FAH: variants seen among roughly 807,000 people sequenced by gnomAD.
FAH encodes the protein fumarylacetoacetate hydrolase, also known as fumarylacetoacetase.
FAH carries 47 observed loss-of-function variants against 55.8 expected under a neutral mutation model. That is an observed-to-expected ratio of 0.84 (90% CI 0.67 to 1.07). The LOEUF is 1.07. Among genes scored for constraint, FAH ranks in the 50% least tolerant of loss-of-function variants. The probability of loss-of-function intolerance (pLI) is 0.00; values close to 1 mark genes in which losing one functional copy is unlikely to be tolerated. For missense variants in FAH, 495 were observed against 545.9 expected (o/e 0.91, Z 0.93); for synonymous variants, 199 against 207.7 (o/e 0.96, Z 0.36).
At chr15:80,184,655 A>C (rs953409652) in intron 13 of FAH, among the ~76,000 whole-genome samples, 3 of 152,126 alleles carry the variant, frequency 2.0e-5, no homozygotes, top group Non-Finnish European at 4.4e-5. Flanking sequence ...GAAAATGAGC[A>C]ACAGAATAGG....
upstream of FAH, chr15:80,152,833 G>C: frequency 1.9e-6 from 1 of 531,004 alleles, no homozygotes; most frequent in Non-Finnish European, 3.4e-6. Flanking sequence ...GGAGCTGGCG[G>C]GGGTCAGGGT....
intron 7 of FAH, 32 bp downstream of exon 7, chr15:80,168,348 A>T: frequency 6.2e-7 from 1 of 1,607,784 alleles, no homozygotes; most frequent in Non-Finnish European, 8.5e-7. Flanking sequence ...TTGCCATGGG[A>T]TCTATAGACA....
rs71397597 is a variant in FAH at position 80,181,320 on chromosome 15, A to G, written c.1180+161A>G. Among the ~76,000 whole-genome samples, 8,548 of 152,186 alleles carry G rather than the reference A, an allele frequency of 0.056. 302 individuals are homozygous for G. The highest frequency in any genetic ancestry group is 0.089 in the South Asian group (429 of 4,818). ...GCTTGTTCTGTCCTTCCCCACAGCT[A>G]TGGCTACCCGGGACTTCAAGTGTGA... On this transcript the variant is annotated intron_variant, in intron 13 of 13. Coordinates refer to ENST00000561421, the MANE Select transcript of FAH (RefSeq NM_000137.4).
At chr15:80,172,930 G>C (rs1240796614) in intron 8 of FAH, 84 bp from the exon 9 acceptor site, 2 of 1,585,260 alleles carry the variant, frequency 1.3e-6, no homozygotes, top group African/African-American at 2.7e-5. Flanking sequence ...AGGTGTCTCT[G>C]CTCCTTGGTC....
intron 9 of FAH, among the ~76,000 whole-genome samples, chr15:80,173,921 C>T (rs543487635): frequency 1.8e-4 from 27 of 152,314 alleles, no homozygotes; most frequent in Non-Finnish European, 3.7e-4. Context: ...CATCTCACCA[C>T]GCATTTGCTG....
At position 80,172,258 on chromosome 15, in the gene FAH, G is replaced by A; in HGVS notation, c.706+10G>A. ...ATGAACGACTGGAGTGGTAATTACT[G>A]GAGCTCTGCTCCTGTAGAGATGACG... On this transcript the variant is annotated intron_variant, in intron 8 of 13. Coordinates refer to ENST00000561421, the MANE Select transcript of FAH (RefSeq NM_000137.4). 6.3e-7 allele frequency: 1 copy of A among 1,587,294 alleles called. No individual in the cohort carries two copies. The highest frequency in any genetic ancestry group is 8.7e-7 in the Non-Finnish European group (1 of 1,155,602).
intron 10 of FAH, among the ~76,000 whole-genome samples, chr15:80,176,629 G>T (rs116120594): frequency 0.017 from 2,615 of 152,306 alleles, 70 homozygotes; most frequent in African/African-American, 0.059. Context: ...GCAGGGCTGG[G>T]ACTCAATCCA....
intron 13 of FAH, among the ~76,000 whole-genome samples, chr15:80,185,354 G>A (rs2041361639): frequency 6.6e-6 from 1 of 152,136 alleles, no homozygotes; most frequent in African/African-American, 2.4e-5. Context: ...AAGATCCATT[G>A]CACAGATGAA....
At chr15:80,181,199 C>T (rs2041328627) in intron 13 of FAH, 40 bp downstream of exon 13, 1 of 1,413,900 alleles carries the variant, frequency 7.1e-7, no homozygotes, top group Non-Finnish European at 1.0e-6. Flanking sequence ...TTCCTCCTTG[C>T]CCGCCATGCA....
chr15:80,169,176 A>G (rs1275928822), intron 7 of FAH, among the ~76,000 whole-genome samples: 5 of 152,152 alleles, frequency 3.3e-5, no homozygotes, highest in Non-Finnish European at 7.3e-5. Flanking sequence ...TGAGGTCAGG[A>G]GTTCAATACC....
At chr15:80,155,719 G>A (rs901758949) in intron 1 of FAH, among the ~76,000 whole-genome samples, 2 of 152,106 alleles carry the variant, frequency 1.3e-5, no homozygotes, top group African/African-American at 4.8e-5. Context: ...ACAAGACAAG[G>A]GGGGCAGGGT....
At chr15:80,182,893 G>A (rs2041342431) in intron 13 of FAH, among the ~76,000 whole-genome samples, 1 of 152,246 alleles carries the variant, frequency 6.6e-6, no homozygotes, top group South Asian at 2.1e-4. Flanking sequence ...AGGAAGGAAA[G>A]AGATGGTGGC....
At chr15:80,184,994 C>T (rs901721671) in intron 13 of FAH, among the ~76,000 whole-genome samples, 2 of 152,150 alleles carry the variant, frequency 1.3e-5, no homozygotes, top group African/African-American at 2.4e-5. Context: ...TAAGTGGACC[C>T]CTCTCAAGGG....
At chr15:80,181,906 A>G (rs1188823901) in intron 13 of FAH, among the ~76,000 whole-genome samples, 3 of 152,088 alleles carry the variant, frequency 2.0e-5, no homozygotes, top group Non-Finnish European at 2.9e-5. Flanking sequence ...CTAATTGTGT[A>G]TGTGTCAGTT....
rs561890209 is a variant in FAH, at chr15:80,175,577, C to A, written c.913+486C>A. Reference sequence around the variant, plus strand: ...CCATGGGCCAGCCCTGAGTGTCTTGCAGACAGACCCGAGATCCCCACCCTG... The same window carrying A: ...CCATGGGCCAGCCCTGAGTGTCTTGAAGACAGACCCGAGATCCCCACCCTG... On this transcript the variant is annotated intron_variant, in intron 10 of 13. Coordinates refer to ENST00000561421, the MANE Select transcript of FAH (RefSeq NM_000137.4). Among the ~76,000 whole-genome samples, 3 of 152,184 alleles carry A rather than the reference C, an allele frequency of 2.0e-5. No individual in the cohort carries two copies. The South Asian group carries it at 6.2e-4, about 32-fold the overall frequency.
At chr15:80,176,203 A>T (rs1200404121) in intron 10 of FAH, among the ~76,000 whole-genome samples, 1 of 151,586 alleles carries the variant, frequency 6.6e-6, no homozygotes, top group East Asian at 1.9e-4. Flanking sequence ...TTTAGTAGAG[A>T]TGGGGTTTCT....
At chr15:80,164,742 G>A (rs2041177579) in intron 5 of FAH, among the ~76,000 whole-genome samples, 2 of 152,120 alleles carry the variant, frequency 1.3e-5, no homozygotes, top group Non-Finnish European at 2.9e-5. Context: ...GTAATTGCAT[G>A]CAATGGAATT....
At chr15:80,160,217 G>A (rs900624220) in intron 3 of FAH, 193 bp from the exon 4 acceptor site, 2 of 688,856 alleles carry the variant, frequency 2.9e-6, no homozygotes, top group Non-Finnish European at 5.2e-6. Flanking sequence ...TCCTAGGGTA[G>A]AATATAGAAA....
chr15:80,174,221 C>A (rs2041264374), intron 9 of FAH, among the ~76,000 whole-genome samples: 1 of 152,214 alleles, frequency 6.6e-6, no homozygotes, highest in Non-Finnish European at 1.5e-5. Flanking sequence ...TGCAAGGCCA[C>A]AGCCTCTCTT....
Sources: allele counts gnomAD v4.1 joint callset (sites outside exome capture counted in the v4.1 genomes callset), GRCh38; gene constraint gnomAD v4.1.1; transcripts MANE v1.5; gene names NCBI Gene and HGNC (gene_info 2026-07-23, HGNC 2026-07-21).